The following GRIN2B variants were observed in gnomAD, a reference collection of about 807,000 sequenced individuals.
GRIN2B encodes the protein glutamate ionotropic receptor NMDA type subunit 2B, also known as glutamate receptor ionotropic, NMDA 2B.
In GRIN2B, 5 loss-of-function variants were observed where a neutral mutation model predicts 114.5. That is an observed-to-expected ratio of 0.04 (90% CI 0.02 to 0.09). The LOEUF (loss-of-function observed/expected upper bound fraction) is 0.09, where lower values mean the gene tolerates loss of function less well. Ranked by LOEUF, GRIN2B falls within the 10% of genes least tolerant of loss-of-function variation. The pLI, the probability that GRIN2B is intolerant of heterozygous loss-of-function variation, is 1.00. For missense variants in GRIN2B, 1,108 were observed against 1,943.5 expected (o/e 0.57, Z 8.08); for synonymous variants, 787 against 745.1 (o/e 1.06, Z -0.92).
At chr12:13,772,606 A>T (rs1863925917) in intron 3 of GRIN2B, among the ~76,000 whole-genome samples, 1 of 152,198 alleles carries the variant, frequency 6.6e-6, no homozygotes, top group Non-Finnish European at 1.5e-5. Flanking sequence ...AAAATAATGC[A>T]AAGTAATTCC....
chr12:13,766,043 G>A (rs979492139), intron 3 of GRIN2B, among the ~76,000 whole-genome samples: 4 of 152,094 alleles, frequency 2.6e-5, no homozygotes, highest in Non-Finnish European at 4.4e-5. Context: ...TCTATCCACT[G>A]GCACTGCTAA....
chr12:13,968,780 T>G (rs1184213099), intron 2 of GRIN2B, among the ~76,000 whole-genome samples: 1 of 152,212 alleles, frequency 6.6e-6, no homozygotes, highest in Non-Finnish European at 1.5e-5. Context: ...AATTTCCTCT[T>G]TAACAATGAT....
chr12:13,956,693 G>A (rs1309372721), intron 2 of GRIN2B, among the ~76,000 whole-genome samples: 2 of 152,180 alleles, frequency 1.3e-5, no homozygotes, highest in Admixed American at 1.3e-4. Context: ...CAGTAAGCCC[G>A]TGAGCCACAG....
At chr12:13,841,415 A>G (rs955552252) in intron 3 of GRIN2B, among the ~76,000 whole-genome samples, 1 of 152,198 alleles carries the variant, frequency 6.6e-6, no homozygotes. Flanking sequence ...AAGGCTCGCT[A>G]AAGTCAAGAC....
chr12:13,923,988 G>A (rs1466388311), intron 2 of GRIN2B, among the ~76,000 whole-genome samples: 5 of 152,100 alleles, frequency 3.3e-5, no homozygotes, highest in African/African-American at 4.8e-5. Context: ...GAAAAGGAAG[G>A]ATGAATATTT....
At position 13,902,139 on chromosome 12, in the gene GRIN2B, TTTAG is replaced by T. The variant is rs1162881442; in HGVS notation, c.-18-35917_-18-35914del. On this transcript the variant is annotated intron_variant, in intron 2 of 13. Transcript: ENST00000609686. The stretch of plus-strand genomic sequence containing the variant: ...ATAATTATTTTTTAATTGGAGCAAT[TTTAG>T]TTAATGTAATGTAAAATAAATCTTG... 2.9e-4 allele frequency among the ~76,000 whole-genome samples: 44 copies of T among 152,252 alleles called. 1 individual carries two copies. The East Asian group carries it at 4.1e-3, about 14-fold the overall frequency.
chr12:13,938,559 G>T (rs1867171471), intron 2 of GRIN2B, among the ~76,000 whole-genome samples: 1 of 152,096 alleles, frequency 6.6e-6, no homozygotes, highest in Admixed American at 6.6e-5. Flanking sequence ...TCAATAAAAA[G>T]GAACAAACTA....
intron 3 of GRIN2B, among the ~76,000 whole-genome samples, chr12:13,810,684 C>G (rs937204331): frequency 1.2e-4 from 18 of 152,226 alleles, no homozygotes; most frequent in Admixed American, 7.2e-4. Flanking sequence ...CAAACTGAAC[C>G]TGAAGGCAGA....
At chr12:13,856,150 G>A (rs1865657571) in intron 3 of GRIN2B, among the ~76,000 whole-genome samples, 2 of 152,168 alleles carry the variant, frequency 1.3e-5, no homozygotes, top group Non-Finnish European at 2.9e-5. Context: ...GACAAGGGGT[G>A]GGCAAGGAAG....
intron 3 of GRIN2B, among the ~76,000 whole-genome samples, chr12:13,796,870 A>G (rs1009975979): frequency 2.0e-5 from 3 of 152,172 alleles, no homozygotes; most frequent in African/African-American, 7.2e-5. Context: ...ACCAGATCCT[A>G]GTTTTCCTAA....
intron 4 of GRIN2B, among the ~76,000 whole-genome samples, chr12:13,752,951 C>G (rs1363991613): frequency 3.3e-5 from 5 of 152,200 alleles, no homozygotes; most frequent in Non-Finnish European, 7.3e-5. Flanking sequence ...CAACTCCAAA[C>G]TGACCACTCA....
At chr12:13,925,792 A>G (rs1866901787) in intron 2 of GRIN2B, among the ~76,000 whole-genome samples, 1 of 152,194 alleles carries the variant, frequency 6.6e-6, no homozygotes. Context: ...CAAAGTCAGC[A>G]CTAATGACCT....
At chr12:13,628,953 G>A (rs982404156) in intron 5 of GRIN2B, among the ~76,000 whole-genome samples, 22 of 152,102 alleles carry the variant, frequency 1.4e-4, no homozygotes, top group African/African-American at 5.3e-4. Context: ...AAGAATTACT[G>A]AGGCAATGAG....
At chr12:13,884,694 T>G (rs1273341861) in intron 2 of GRIN2B, among the ~76,000 whole-genome samples, 2 of 152,184 alleles carry the variant, frequency 1.3e-5, no homozygotes, top group Non-Finnish European at 2.9e-5. Context: ...GGGTAGCATA[T>G]TCAGTTTTTC....
upstream of GRIN2B, chr12:13,981,907 ACC>A (rs202207401): frequency 1.2e-4 from 19 of 152,300 alleles, no homozygotes; most frequent in Non-Finnish European, 2.0e-4. Context: ...ACACACACAC[ACC>A]CCCTACCTCG....
At chr12:13,980,899 C>T (rs1863121874) in intron 1 of GRIN2B, among the ~76,000 whole-genome samples, 1 of 152,106 alleles carries the variant, frequency 6.6e-6, no homozygotes, top group Admixed American at 6.5e-5. Context: ...CACTGACGCG[C>T]GCACACACGC....
intron 3 of GRIN2B, among the ~76,000 whole-genome samples, chr12:13,851,690 C>T (rs1030541344): frequency 1.3e-5 from 2 of 152,210 alleles, no homozygotes; most frequent in Non-Finnish European, 2.9e-5. Context: ...GCTCCTTTCT[C>T]TCTTTCTTGC....
intron 5 of GRIN2B, among the ~76,000 whole-genome samples, chr12:13,644,262 G>A (rs1949743765): frequency 6.6e-6 from 1 of 152,104 alleles, no homozygotes; most frequent in South Asian, 2.1e-4. Flanking sequence ...TAATGTCCTT[G>A]TACATCCACA....
chr12:13,572,107 G>A (rs940352201), intron 10 of GRIN2B, 143 bp from the exon 11 acceptor site: 67 of 697,848 alleles, frequency 9.6e-5, no homozygotes, highest in South Asian at 2.4e-4. Context: ...ATAATTCACC[G>A]AATACATTAG....
Sources: allele counts gnomAD v4.1 joint callset (sites outside exome capture counted in the v4.1 genomes callset), GRCh38; gene constraint gnomAD v4.1.1; transcripts MANE v1.5; gene names NCBI Gene and HGNC (gene_info 2026-07-23, HGNC 2026-07-21).